The following TEK variants were observed in gnomAD, a reference collection of about 807,000 sequenced individuals.
The protein encoded by TEK is angiopoietin-1 receptor.
TEK carries 43 observed loss-of-function variants against 131.8 expected under a neutral mutation model. That is an observed-to-expected ratio of 0.33 (90% CI 0.26 to 0.42). The LOEUF (loss-of-function observed/expected upper bound fraction) is 0.42. Among genes scored for constraint, TEK ranks in the 10% least tolerant of loss-of-function variants. The pLI is 1.00. For synonymous variants in TEK, 580 were observed against 491.6 expected, an observed-to-expected ratio of 1.18 and a Z score of -2.38; for missense variants, 1,162 against 1,384.4, an observed-to-expected ratio of 0.84 and a Z score of 2.55.
At chr9:27,154,149 C>T (rs896647645) in intron 1 of TEK, among the ~76,000 whole-genome samples, 1 of 152,158 alleles carries the variant, frequency 6.6e-6, no homozygotes, top group African/African-American at 2.4e-5. Context: ...CTCTCTCTTT[C>T]TGTCTCTCTT....
chr9:27,172,998 T>C (rs1564075574), intron 5 of TEK, among the ~76,000 whole-genome samples: 1 of 152,064 alleles, frequency 6.6e-6, no homozygotes, highest in Non-Finnish European at 1.5e-5. Flanking sequence ...GTTTGTGCAC[T>C]GCACAAACCT....
rs927503138 is a variant in TEK at position 27,197,546 on chromosome 9, C to T, written c.1856C>T (p.Thr619Ile). Residue 619 changes from threonine (T) to isoleucine (I), a missense_variant, in exon 12 of 23, where the codon ACC (threonine) becomes ATC (isoleucine). This residue lies in a region of TEK where 477 missense variants were observed against 471.0 expected (regional missense o/e 1.01). Transcript: ENST00000380036. ...EQYVVRARVN[T>I]KAQGEWSEDL... ...TACGTGGTCCGAGCTAGAGTCAACA[C>T]CAAGGCCCAGGGGGAATGGAGTGAA... is the stretch of plus-strand genomic sequence containing the variant. The T allele has an allele frequency of 6.2e-7, 1 of 1,614,066 alleles. No individual in the cohort carries two copies. Among genetic ancestry groups the T allele is most frequent in the Admixed American group, 1.7e-5 (1 of 59,998 alleles).
In TEK at chr9:27,228,308, A is replaced by C. The variant is rs1277658462; in HGVS notation, c.3300+3A>C. ...ACAGAATGTTAGAGGAGCGAAAGGT[A>C]AGTATTAAAGTCAGGCAGGAGATCT... On this transcript the variant is annotated splice_donor_region_variant and intron_variant, in intron 22 of 22. Coordinates refer to ENST00000380036, the MANE Select transcript of TEK (RefSeq NM_000459.5). The C allele has an allele frequency of 6.2e-7, 1 of 1,608,176 alleles. No individual in the cohort carries two copies. The highest frequency in any genetic ancestry group is 1.1e-5 in the South Asian group (1 of 90,968).
intron 21 of TEK, among the ~76,000 whole-genome samples, chr9:27,222,231 G>A (rs557153955): frequency 1.2e-4 from 19 of 152,236 alleles, no homozygotes; most frequent in Admixed American, 3.3e-4. Flanking sequence ...ACGAGACTAC[G>A]TGAAAAGACC....
chr9:27,173,416 A>C lies in TEK; in HGVS notation c.901+54A>C, dbSNP rs1824039832. ...GGATGTTCTAGCAGGTATATAAAGG[A>C]GATCCAGTTTGCTGTCAATCACAAC... On this transcript the variant is annotated intron_variant, in intron 6 of 22. Coordinates refer to ENST00000380036, the MANE Select transcript of TEK (RefSeq NM_000459.5). 2.5e-6 allele frequency: 4 copies of C among 1,611,560 alleles called. No individual in the cohort carries two copies. The South Asian group carries it at 4.4e-5, about 18-fold the overall frequency.
intron 1 of TEK, among the ~76,000 whole-genome samples, chr9:27,137,191 T>A (rs1465286122): frequency 6.6e-6 from 1 of 151,624 alleles, no homozygotes; most frequent in Non-Finnish European, 1.5e-5. Flanking sequence ...GTGCTGGGAT[T>A]ACAGGTGTGA....
At chr9:27,123,981 T>C (rs1012232003) in intron 1 of TEK, among the ~76,000 whole-genome samples, 1 of 152,232 alleles carries the variant, frequency 6.6e-6, no homozygotes, top group Non-Finnish European at 1.5e-5. Flanking sequence ...TTCGCCAAGT[T>C]GGTCAGGCTG....
intron 18 of TEK, among the ~76,000 whole-genome samples, chr9:27,215,567 T>G (rs1339110547): frequency 1.3e-5 from 2 of 152,016 alleles, no homozygotes; most frequent in South Asian, 2.1e-4. Flanking sequence ...AGGGTTTTTT[T>G]TTTTTTTTTT....
chr9:27,185,733 G>A lies in TEK; in HGVS notation c.1327+104G>A, dbSNP rs946876090. On this transcript the variant is annotated intron_variant, in intron 9 of 22. Transcript: ENST00000380036. ...ATGCGACCACTAAAATACCTTTGGGGTAATTTCCAGGATAGTAAGCCTTTA... is the reference window on the plus strand; with the variant it reads ...ATGCGACCACTAAAATACCTTTGGGATAATTTCCAGGATAGTAAGCCTTTA... 45 of 1,465,716 alleles carry A rather than the reference G, an allele frequency of 3.1e-5. No individual in the cohort carries two copies. In the African/African-American group the frequency reaches 5.2e-4, roughly 17 times the overall value. 90.8% of individuals were successfully genotyped at this position (1,465,716 alleles called of 1,614,324 possible).
intron 1 of TEK, among the ~76,000 whole-genome samples, chr9:27,141,912 T>G (rs1247606921): frequency 3.3e-5 from 5 of 152,244 alleles, no homozygotes; most frequent in Admixed American, 3.3e-4. Context: ...TTAAACTTTA[T>G]TTTTTTGAAT....
chr9:27,183,017 A>G (rs762112171), intron 7 of TEK, among the ~76,000 whole-genome samples: 1 of 152,250 alleles, frequency 6.6e-6, no homozygotes, highest in Non-Finnish European at 1.5e-5. Flanking sequence ...ATGCTGTTGA[A>G]CAGCAATACC....
chr9:27,164,710 T>C (rs1473828622), intron 2 of TEK, among the ~76,000 whole-genome samples: 1 of 152,076 alleles, frequency 6.6e-6, no homozygotes, highest in Non-Finnish European at 1.5e-5. Context: ...TTAAATATTT[T>C]TTTTGTATGG....
chr9:27,177,372 C>A (rs1415290097), intron 6 of TEK, among the ~76,000 whole-genome samples: 1 of 152,166 alleles, frequency 6.6e-6, no homozygotes, highest in East Asian at 1.9e-4. Flanking sequence ...TGTGATATCT[C>A]ATTGTGGTTT....
intron 21 of TEK, among the ~76,000 whole-genome samples, chr9:27,221,600 G>A (rs990761792): frequency 1.3e-5 from 2 of 152,214 alleles, no homozygotes; most frequent in Non-Finnish European, 2.9e-5. Context: ...TGCAGCCTCT[G>A]CTAGTGATAT....
At chr9:27,159,846 G>C (rs561837985) in intron 2 of TEK, among the ~76,000 whole-genome samples, 25 of 152,138 alleles carry the variant, frequency 1.6e-4, no homozygotes, top group African/African-American at 4.8e-4. Context: ...ACCTCTCTTT[G>C]TTCTGCCTGG....
intron 7 of TEK, among the ~76,000 whole-genome samples, chr9:27,182,010 T>G (rs1824396411): frequency 6.6e-6 from 1 of 152,136 alleles, no homozygotes; most frequent in Non-Finnish European, 1.5e-5. Flanking sequence ...TTTTTTCTTC[T>G]TTTGCCAAGC....
intron 12 of TEK, among the ~76,000 whole-genome samples, chr9:27,201,799 A>C (rs1346112591): frequency 6.6e-6 from 1 of 152,236 alleles, no homozygotes; most frequent in African/African-American, 2.4e-5. Context: ...TATGGAATGA[A>C]ACAGCCTATG....
chr9:27,138,162 A>T (rs1822568603), intron 1 of TEK, among the ~76,000 whole-genome samples: 1 of 152,228 alleles, frequency 6.6e-6, no homozygotes. Context: ...TGCAGACCCA[A>T]AGAGTGAGCA....
intron 1 of TEK, among the ~76,000 whole-genome samples, chr9:27,133,588 A>G (rs750718373): frequency 1.1e-4 from 17 of 152,146 alleles, no homozygotes; most frequent in Non-Finnish European, 2.1e-4. Context: ...ATCCAAATCA[A>G]TTGCTAGTGC....
Sources: allele counts gnomAD v4.1 joint callset (sites outside exome capture counted in the v4.1 genomes callset), GRCh38; gene constraint gnomAD v4.1.1; regional missense constraint gnomAD v4.1.1; transcripts MANE v1.5; gene names NCBI Gene and HGNC (gene_info 2026-07-23, HGNC 2026-07-21).